The following BCAS3 variants were observed in gnomAD, a reference collection of about 807,000 sequenced individuals.
The protein encoded by BCAS3 is BCAS4/BCAS3 fusion.
BCAS3 carries 53 observed loss-of-function variants against 116.1 expected under a neutral mutation model. The observed-to-expected ratio is 0.46, with a 90% CI of 0.37 to 0.57. The LOEUF is 0.57. Ranked by LOEUF, BCAS3 falls within the 20% of genes least tolerant of loss-of-function variation. The pLI is 0.00. For synonymous variants in BCAS3, 391 were observed against 408.2 expected, an observed-to-expected ratio of 0.96 and a Z score of 0.51; for missense variants, 917 against 1,165.4, an observed-to-expected ratio of 0.79 and a Z score of 3.10.
rs1385639042 is a variant in BCAS3 at position 61,095,542 on chromosome 17, A to G, written c.2425+10978A>G. ...GAGTGTGGTGGTGCAATCTCGGTTC[A>G]TTGCAACCTCTGCCTCCAGGTTCAA... On this transcript the variant is annotated intron_variant, in intron 22 of 23. Transcript: ENST00000407086. This position sits in a 1 kb window ranked among gnomAD's most constrained non-coding sequence, Gnocchi z 4.7. 2.0e-5 allele frequency among the ~76,000 whole-genome samples: 3 copies of G among 152,102 alleles called. No individual in the cohort carries two copies. The East Asian group carries it at 5.8e-4, about 29-fold the overall frequency.
rs184747273 is a variant in BCAS3, at chr17:60,841,103, A to G, written c.477-27473A>G. Among the ~76,000 whole-genome samples, 5 of 152,300 alleles carry G rather than the reference A, an allele frequency of 3.3e-5. No homozygotes were observed. The East Asian group carries it at 7.7e-4, about 23-fold the overall frequency. On this transcript the variant is annotated intron_variant, in intron 7 of 23. Transcript: ENST00000407086. ...TAATTTTTCATATACTACTTTAAGT[A>G]AGGAACTTAATTTAGTAGATTTAAA... is the stretch of plus-strand genomic sequence containing the variant.
chr17:61,362,486 A>G lies in BCAS3; in HGVS notation c.2426-5841A>G, dbSNP rs1305039728. 6.6e-6 allele frequency among the ~76,000 whole-genome samples: 1 copy of G among 152,210 alleles called. No homozygotes were observed. The highest frequency in any genetic ancestry group is 2.4e-5 in the African/African-American group (1 of 41,456). ...AATAGCTAGAGTGTGATTAGACACT[A>G]TCAGCTTAGAGGAGCATCCTACCTG... On this transcript the variant is annotated intron_variant, in intron 22 of 23. Coordinates refer to ENST00000407086, the MANE Select transcript of BCAS3 (RefSeq NM_017679.5). The surrounding 1 kb of genome is among the most constrained non-coding windows in gnomAD (Gnocchi z 4.4).
chr17:61,057,732 T>C (rs2069536345), intron 19 of BCAS3, among the ~76,000 whole-genome samples: 1 of 152,096 alleles, frequency 6.6e-6, no homozygotes, highest in African/African-American at 2.4e-5. Flanking sequence ...TGCAAATAAT[T>C]CCTGATTATA....
chr17:60,923,710 G>A (rs921214861), intron 12 of BCAS3, among the ~76,000 whole-genome samples: 2 of 152,110 alleles, frequency 1.3e-5, no homozygotes, highest in Non-Finnish European at 2.9e-5. Context: ...TTGAACTTAT[G>A]ATGGGAAATT....
chr17:60,897,459 A>G (rs1420748585), intron 10 of BCAS3, among the ~76,000 whole-genome samples: 1 of 152,178 alleles, frequency 6.6e-6, no homozygotes, highest in African/African-American at 2.4e-5. Flanking sequence ...AACTTTTGTT[A>G]GACTTGGGAA....
chr17:61,170,419 A>C (rs2078774901), intron 22 of BCAS3, among the ~76,000 whole-genome samples: 2 of 151,680 alleles, frequency 1.3e-5, no homozygotes, highest in Admixed American at 6.6e-5. Flanking sequence ...CAGCCTCCCA[A>C]GTGGCTGGGA....
chr17:60,927,400 C>T (rs190311973), intron 13 of BCAS3, among the ~76,000 whole-genome samples: 31 of 152,148 alleles, frequency 2.0e-4, no homozygotes, highest in Admixed American at 1.6e-3. Context: ...GGACTACAGG[C>T]GTGTACCACG....
chr17:61,148,684 G>A (rs2077378728), intron 22 of BCAS3, among the ~76,000 whole-genome samples: 2 of 152,142 alleles, frequency 1.3e-5, no homozygotes, highest in African/African-American at 2.4e-5. Flanking sequence ...TACAAGATAG[G>A]TATAATTATT....
At chr17:61,074,778 A>G (rs913179140) in intron 19 of BCAS3, 142 bp from the exon 20 acceptor site, 3 of 444,962 alleles carry the variant, frequency 6.7e-6, no homozygotes, top group Non-Finnish European at 1.2e-5. Context: ...TACTTGTTCA[A>G]TAATTGTTTG....
intron 15 of BCAS3, among the ~76,000 whole-genome samples, chr17:60,996,184 G>GTGA: frequency 6.6e-6 from 1 of 152,142 alleles, no homozygotes; most frequent in Non-Finnish European, 1.5e-5. Context: ...GAGAATAAGA[G>GTGA]TGACATGATA....
intron 6 of BCAS3, among the ~76,000 whole-genome samples, chr17:60,761,387 G>A (rs559272221): frequency 2.0e-5 from 3 of 151,316 alleles, no homozygotes; most frequent in African/African-American, 4.9e-5. Context: ...GACAGGCCCC[G>A]GTGTATGCTG....
chr17:61,002,219 A>G (rs1297510902), intron 15 of BCAS3, among the ~76,000 whole-genome samples: 1 of 152,092 alleles, frequency 6.6e-6, no homozygotes, highest in East Asian at 1.9e-4. Flanking sequence ...CTATGTAGAT[A>G]TTTTATATTT....
intron 6 of BCAS3, among the ~76,000 whole-genome samples, chr17:60,776,676 AC>A (rs1469901657): frequency 2.7e-5 from 4 of 146,344 alleles, no homozygotes. Flanking sequence ...CCGAGATCGC[AC>A]CACTGTACTC....
chr17:61,373,310 G>A lies in BCAS3; in HGVS notation c.2593+4816G>A, dbSNP rs1387989395. On this transcript the variant is annotated intron_variant, in intron 23 of 23. Coordinates refer to ENST00000407086, the MANE Select transcript of BCAS3 (RefSeq NM_017679.5). ...TCACCGTGTTAGCCAGGCTGGTCTC[G>A]AACTCCTGGCCTGAAGTGATCTGTC... Among the ~76,000 whole-genome samples, 8 of 151,974 alleles carry A rather than the reference G, an allele frequency of 5.3e-5. No individual in the cohort carries two copies. In the East Asian group the frequency reaches 7.7e-4, roughly 15 times the overall value.
chr17:61,272,372 C>T (rs1261111355), intron 22 of BCAS3, among the ~76,000 whole-genome samples: 3 of 152,048 alleles, frequency 2.0e-5, no homozygotes, highest in Non-Finnish European at 4.4e-5. Context: ...GAGGCTCATG[C>T]CTGTAATCCC....
chr17:61,029,928 A>G lies in BCAS3; in HGVS notation c.1638-4738A>G. Among the ~76,000 whole-genome samples, 1 of 152,000 alleles carries G rather than the reference A, an allele frequency of 6.6e-6. No individual in the cohort carries two copies. The stretch of plus-strand genomic sequence containing the variant: ...ATTTATTCTTACCTGCCACATTTAC[A>G]CAAATCTGTTAGACCTTTAAGAAAA... On this transcript the variant is annotated intron_variant, in intron 16 of 23. Coordinates refer to ENST00000407086, the MANE Select transcript of BCAS3 (RefSeq NM_017679.5). This position sits in a 1 kb window ranked among gnomAD's most constrained non-coding sequence, Gnocchi z 5.2.
intron 6 of BCAS3, among the ~76,000 whole-genome samples, chr17:60,765,073 C>T (rs541114579): frequency 6.6e-6 from 1 of 152,188 alleles, no homozygotes; most frequent in Admixed American, 6.5e-5. Context: ...TTATTTTGAG[C>T]CTATATGCGT....
chr17:61,186,168 A>T lies in BCAS3; in HGVS notation c.2425+101604A>T, dbSNP rs967502451. On this transcript the variant is annotated intron_variant, in intron 22 of 23. Transcript: ENST00000407086. The surrounding 1 kb of genome is among the most constrained non-coding windows in gnomAD (Gnocchi z 4.9). ...CTATTTAACATACGATAGCTTATTTATATATTCATACACATTCTATAAAAT... is the reference window on the plus strand; with the variant it reads ...CTATTTAACATACGATAGCTTATTTTTATATTCATACACATTCTATAAAAT... Among the ~76,000 whole-genome samples the T allele has an allele frequency of 6.6e-6, 1 of 152,168 alleles. No homozygotes were observed. Among genetic ancestry groups the T allele is most frequent in the Non-Finnish European group, 1.5e-5 (1 of 68,008 alleles).
intron 7 of BCAS3, among the ~76,000 whole-genome samples, chr17:60,813,178 G>A (rs2048995383): frequency 6.6e-6 from 1 of 151,966 alleles, no homozygotes. Context: ...ATTATGGAGG[G>A]CATTCCTCTA....
Sources: gnomAD v4.1 joint callset for allele counts (sites outside exome capture counted in the v4.1 genomes callset) on GRCh38, gnomAD v4.1.1 for gene constraint, Gnocchi (gnomAD v3.1) non-coding constraint, MANE v1.5 for transcripts, NCBI Gene and HGNC (gene_info 2026-07-23, HGNC 2026-07-21) for gene names.